B3GALT1: variants seen among roughly 807,000 people sequenced by gnomAD.
B3GALT1 encodes beta-1,3-galactosyltransferase 1, also known as UDP-Gal:betaGlcNAc beta 1,3-galactosyltransferase, polypeptide 1.
Under a neutral mutation model 23.2 loss-of-function variants are expected in B3GALT1, and 10 were observed. That is an observed-to-expected ratio of 0.43 (90% CI 0.27 to 0.73). The LOEUF (loss-of-function observed/expected upper bound fraction) is 0.73, where lower values mean the gene tolerates loss of function less well. B3GALT1 is among the 30% of genes least tolerant of loss of function. The pLI is 0.21. For synonymous variants in B3GALT1, 156 were observed against 141.5 expected (o/e 1.10, Z -0.73); for missense variants, 299 against 405.4 (o/e 0.74, Z 2.25).
At chr2:167,491,483 C>CTTTTTTTTT (rs35378344) in intron 2 of B3GALT1, among the ~76,000 whole-genome samples, 4 of 122,018 alleles carry the variant, frequency 3.3e-5, no homozygotes, top group Admixed American at 8.3e-5. Flanking sequence ...TTTACTTTTG[C>CTTTTTTTTT]TTTTTTTTTT....
chr2:167,425,077 A>G (rs1174573558), intron 1 of B3GALT1, among the ~76,000 whole-genome samples: 1 of 152,090 alleles, frequency 6.6e-6, no homozygotes, highest in African/African-American at 2.4e-5. Flanking sequence ...CTACCCCATT[A>G]CCTCATATGC....
intron 3 of B3GALT1, among the ~76,000 whole-genome samples, chr2:167,736,984 C>A (rs1201871013): frequency 6.7e-6 from 1 of 150,244 alleles, no homozygotes; most frequent in African/African-American, 2.4e-5. Flanking sequence ...CTGATAAATC[C>A]CTCTTACAGC....
intron 1 of B3GALT1, among the ~76,000 whole-genome samples, chr2:167,434,413 T>A (rs2105308862): frequency 6.6e-6 from 1 of 151,960 alleles, no homozygotes; most frequent in South Asian, 2.1e-4. Context: ...ACTGGTTTCA[T>A]CTATATCTCT....
intron 3 of B3GALT1, among the ~76,000 whole-genome samples, chr2:167,673,282 C>T (rs1172620935): frequency 1.3e-5 from 2 of 151,632 alleles, no homozygotes; most frequent in Non-Finnish European, 1.5e-5. Flanking sequence ...GAGTCATAAA[C>T]GATAAACCAA....
chr2:167,693,717 C>T (rs774908898), intron 3 of B3GALT1, among the ~76,000 whole-genome samples: 5 of 152,230 alleles, frequency 3.3e-5, no homozygotes, highest in Non-Finnish European at 7.4e-5. Context: ...CTCTTTACTG[C>T]ATTTGGTACT....
rs1355444859 is a variant in B3GALT1, at chr2:167,750,595, C to T, written c.-351-68077C>T. 5.3e-5 allele frequency among the ~76,000 whole-genome samples: 8 copies of T among 152,160 alleles called. No individual in the cohort carries two copies. The East Asian group carries it at 1.4e-3, about 26-fold the overall frequency. ...ATTTGGAGTTCAACCAGGTTGGTAC[C>T]TGGGTACCTGGTACTGTCCCCTCAG... On this transcript the variant is annotated intron_variant, in intron 3 of 4. Transcript: ENST00000392690.
At chr2:167,846,299 A>G (rs1445574424) in intron 4 of B3GALT1, among the ~76,000 whole-genome samples, 1 of 152,214 alleles carries the variant, frequency 6.6e-6, no homozygotes, top group East Asian at 1.9e-4. Flanking sequence ...CATTGTCATC[A>G]GGTTACCTAA....
chr2:167,593,320 AT>A (rs1684717155), intron 2 of B3GALT1, among the ~76,000 whole-genome samples: 1 of 152,178 alleles, frequency 6.6e-6, no homozygotes, highest in African/African-American at 2.4e-5. Context: ...ATCCCAAGAT[AT>A]TATTGACTGA....
At chr2:167,318,932 G>C (rs1574030745) in intron 1 of B3GALT1, among the ~76,000 whole-genome samples, 1 of 152,062 alleles carries the variant, frequency 6.6e-6, no homozygotes, top group Admixed American at 6.5e-5. Context: ...AGCCTGCAGG[G>C]GCCCATTCCC....
At chr2:167,813,931 TTTGG>T (rs1230841808) in intron 3 of B3GALT1, among the ~76,000 whole-genome samples, 1 of 152,178 alleles carries the variant, frequency 6.6e-6, no homozygotes, top group Non-Finnish European at 1.5e-5. Context: ...ACTGAAATTC[TTTGG>T]TTGAATTCTT....
chr2:167,560,149 T>A (rs1016325133), intron 2 of B3GALT1, among the ~76,000 whole-genome samples: 5 of 152,186 alleles, frequency 3.3e-5, no homozygotes, highest in African/African-American at 1.2e-4. Flanking sequence ...GGGGCCAATA[T>A]TCAACATTCT....
intron 2 of B3GALT1, among the ~76,000 whole-genome samples, chr2:167,546,594 T>C (rs994200000): frequency 1.3e-5 from 2 of 152,070 alleles, no homozygotes; most frequent in East Asian, 1.9e-4. Context: ...AGAACTTCCT[T>C]TGGGTAAGCT....
Position 167,871,726 on chromosome 2 carries a change from A to G in B3GALT1, c.*1706A>G, listed in dbSNP as rs1003285634. Reference sequence around the variant, plus strand: ...GAACCACTGAATCTGAATTCTCTCTAAGAAATTTGAGCGCAGGTAAAGCTA... The same window carrying G: ...GAACCACTGAATCTGAATTCTCTCTGAGAAATTTGAGCGCAGGTAAAGCTA... On this transcript the variant is annotated 3_prime_UTR_variant, in exon 5 of 5. Coordinates refer to ENST00000392690, the MANE Select transcript of B3GALT1 (RefSeq NM_020981.4). 3 of 152,118 alleles carry G rather than the reference A, an allele frequency of 2.0e-5. No individual in the cohort carries two copies. Among genetic ancestry groups the G allele is most frequent in the African/African-American group, 7.2e-5 (3 of 41,410 alleles). The allele number at this position is 152,118 out of a possible 1,614,324, so 9.4% of individuals were successfully genotyped here. A position where few individuals can be genotyped will look rare whatever the true frequency, so the allele number is the denominator to read the frequency against.
chr2:167,560,286 CAA>C (rs1390067253), intron 2 of B3GALT1, among the ~76,000 whole-genome samples: 1 of 152,060 alleles, frequency 6.6e-6, no homozygotes, highest in Non-Finnish European at 1.5e-5. Context: ...GGCCTGCCCT[CAA>C]AGAGCTCCTA....
rs781202972 is a variant in B3GALT1, at chr2:167,869,096, T to G, written c.57T>G (p.Ala19=). The G allele has an allele frequency of 2.1e-5, 34 of 1,614,172 alleles. No individual in the cohort carries two copies. Among genetic ancestry groups the G allele is most frequent in the Non-Finnish European group, 2.9e-5 (34 of 1,180,022 alleles). ...YVLTVVCWAS[A]LWYLSITRPT... ...TGACAGTTGTGTGCTGGGCCAGCGCTCTCTGGTACTTGAGTATAACTCGCC... is the reference window on the plus strand; with the variant it reads ...TGACAGTTGTGTGCTGGGCCAGCGCGCTCTGGTACTTGAGTATAACTCGCC... Residue 19 remains alanine, a synonymous_variant, in exon 5 of 5, where the codon GCT becomes GCG. Transcript: ENST00000392690. This position sits in a 1 kb window ranked among gnomAD's most constrained non-coding sequence, Gnocchi z 6.4.
Position 167,349,392 on chromosome 2 carries a change from A to C in B3GALT1, c.-511+56058A>C, listed in dbSNP as rs187519352. 7.9e-5 allele frequency among the ~76,000 whole-genome samples: 12 copies of C among 152,300 alleles called. No homozygotes were observed. The East Asian group carries it at 2.1e-3, about 27-fold the overall frequency. ...TTTCAAGTAACCTTTATTTTACTTCATAATGGCCCCAACGTGCAAGAATAG... is the reference window on the plus strand; with the variant it reads ...TTTCAAGTAACCTTTATTTTACTTCCTAATGGCCCCAACGTGCAAGAATAG... On this transcript the variant is annotated intron_variant, in intron 1 of 4. Transcript: ENST00000392690.
At chr2:167,587,044 C>G (rs1483563556) in intron 2 of B3GALT1, among the ~76,000 whole-genome samples, 2 of 152,082 alleles carry the variant, frequency 1.3e-5, no homozygotes, top group African/African-American at 4.8e-5. Flanking sequence ...AATTCTATTC[C>G]TATTTCTAGA....
At chr2:167,838,429 G>A (rs1689543732) in intron 4 of B3GALT1, among the ~76,000 whole-genome samples, 1 of 152,264 alleles carries the variant, frequency 6.6e-6, no homozygotes, top group African/African-American at 2.4e-5. Context: ...AAATCTAGCA[G>A]AAATGGATAA....
chr2:167,416,354 A>G (rs1698470692), intron 1 of B3GALT1, among the ~76,000 whole-genome samples: 1 of 152,220 alleles, frequency 6.6e-6, no homozygotes, highest in African/African-American at 2.4e-5. Context: ...GCTTAAGAAG[A>G]TACAAGTCGT....
Sources: allele counts gnomAD v4.1 joint callset (sites outside exome capture counted in the v4.1 genomes callset), GRCh38; gene constraint gnomAD v4.1.1; non-coding constraint Gnocchi (gnomAD v3.1); transcripts MANE v1.5; gene names NCBI Gene and HGNC (gene_info 2026-07-23, HGNC 2026-07-21).